STK32B: variants seen among roughly 807,000 people sequenced by gnomAD.
The protein encoded by STK32B is serine/threonine kinase 32B.
Under a neutral mutation model 52.6 loss-of-function variants are expected in STK32B, and 43 were observed. The observed-to-expected ratio is 0.82, with a 90% CI of 0.64 to 1.05. The LOEUF (loss-of-function observed/expected upper bound fraction) is 1.05, where lower values mean the gene tolerates loss of function less well. Ranked by LOEUF, STK32B falls within the 50% of genes least tolerant of loss-of-function variation. STK32B has a pLI of 0.00. For synonymous variants in STK32B, 238 were observed against 204.3 expected, an observed-to-expected ratio of 1.17 and a Z score of -1.41; for missense variants, 621 against 534.6, an observed-to-expected ratio of 1.16 and a Z score of -1.59.
At chr4:5,359,878 C>A (rs1734434034) in intron 4 of STK32B, among the ~76,000 whole-genome samples, 1 of 152,154 alleles carries the variant, frequency 6.6e-6, no homozygotes, top group South Asian at 2.1e-4. Flanking sequence ...GTAATAGGGA[C>A]TTATCAGCCT....
chr4:5,227,769 A>G (rs1036144522), intron 3 of STK32B, among the ~76,000 whole-genome samples: 3 of 152,206 alleles, frequency 2.0e-5, no homozygotes, highest in Admixed American at 1.3e-4. Flanking sequence ...ATTAAAAAGC[A>G]TACTCAAAGG....
At chr4:5,317,232 A>AACAT (rs1385452448) in intron 3 of STK32B, among the ~76,000 whole-genome samples, 1 of 61,686 alleles carries the variant, frequency 1.6e-5, no homozygotes, top group Non-Finnish European at 2.3e-5. Context: ...TATTATATAT[A>AACAT]ACATATATAT....
chr4:5,362,769 C>T (rs975641696), intron 4 of STK32B, among the ~76,000 whole-genome samples: 1 of 152,194 alleles, frequency 6.6e-6, no homozygotes, highest in African/African-American at 2.4e-5. Flanking sequence ...CCCCAATTTC[C>T]ACTCTCTAGT....
At chr4:5,245,076 T>A (rs201218570) in intron 3 of STK32B, among the ~76,000 whole-genome samples, 1 of 152,312 alleles carries the variant, frequency 6.6e-6, no homozygotes, top group African/African-American at 2.4e-5. Flanking sequence ...GTTCTGTAGA[T>A]GTCTATTAGG....
rs1277558651 is a variant in STK32B at position 5,394,085 on chromosome 4, G to C, written c.435-4122G>C. 1.3e-5 allele frequency among the ~76,000 whole-genome samples: 2 copies of C among 152,184 alleles called. No homozygotes were observed. The highest frequency in any genetic ancestry group is 4.8e-5 in the African/African-American group (2 of 41,442). ...AAAAGACACATGCAGAAACATCCTGGTGGCCCTGCTTTGCAGTCTGTGCAT... is the reference window on the plus strand; with the variant it reads ...AAAAGACACATGCAGAAACATCCTGCTGGCCCTGCTTTGCAGTCTGTGCAT... On this transcript the variant is annotated intron_variant, in intron 4 of 11. Coordinates refer to ENST00000282908, the MANE Select transcript of STK32B (RefSeq NM_018401.3). This position sits in a 1 kb window ranked among gnomAD's most constrained non-coding sequence, Gnocchi z 4.2.
chr4:5,055,450 C>T (rs1434703080), intron 1 of STK32B, among the ~76,000 whole-genome samples: 1 of 152,002 alleles, frequency 6.6e-6, no homozygotes, highest in Non-Finnish European at 1.5e-5. Flanking sequence ...ATGGTCTGTC[C>T]CTACCCCCGT....
intron 3 of STK32B, among the ~76,000 whole-genome samples, chr4:5,236,507 T>A (rs530618193): frequency 6.6e-6 from 1 of 152,360 alleles, no homozygotes; most frequent in East Asian, 1.9e-4. Flanking sequence ...CAAAAATTGC[T>A]ACTCTTGTGA....
intron 3 of STK32B, among the ~76,000 whole-genome samples, chr4:5,323,308 GCCAGGC>G (rs1731647243): frequency 1.3e-5 from 2 of 152,112 alleles, no homozygotes; most frequent in Non-Finnish European, 2.9e-5. Context: ...CCCTCCACCA[GCCAGGC>G]CCTGGCTGTT....
chr4:5,190,620 A>G (rs1193512354), intron 3 of STK32B, among the ~76,000 whole-genome samples: 3 of 152,220 alleles, frequency 2.0e-5, no homozygotes, highest in Admixed American at 6.5e-5. Context: ...CCGCTTTCTC[A>G]TTCTGGACAC....
At chr4:5,168,231 T>A in intron 2 of STK32B, 68 bp from the exon 3 acceptor site, 1 of 1,547,484 alleles carries the variant, frequency 6.5e-7, no homozygotes, top group Non-Finnish European at 8.8e-7. Context: ...CAGTGCGGGG[T>A]GACATTTCTC....
rs971616675 is a variant in STK32B at position 5,165,145 on chromosome 4, A to C, written c.109-3154A>C. Among the ~76,000 whole-genome samples the C allele has an allele frequency of 3.3e-5, 5 of 152,162 alleles. No homozygotes were observed. In the East Asian group the frequency reaches 9.7e-4, roughly 29 times the overall value. ...TTAGCCCTGAATTTACCGAGGAGGTAGTCAAGGCCCAGATGATGAATGGAT... is the reference window on the plus strand; with the variant it reads ...TTAGCCCTGAATTTACCGAGGAGGTCGTCAAGGCCCAGATGATGAATGGAT... On this transcript the variant is annotated intron_variant, in intron 2 of 11. Transcript: ENST00000282908.
At chr4:5,256,288 T>C (rs1726291079) in intron 3 of STK32B, among the ~76,000 whole-genome samples, 1 of 152,200 alleles carries the variant, frequency 6.6e-6, no homozygotes. Flanking sequence ...CATAGATGTG[T>C]GACATTTACT....
intron 11 of STK32B, among the ~76,000 whole-genome samples, chr4:5,473,799 C>G (rs1006533635): frequency 3.9e-5 from 6 of 152,134 alleles, no homozygotes; most frequent in African/African-American, 1.4e-4. Flanking sequence ...CTGACTAAGT[C>G]CGCAGCAGGG....
At chr4:5,300,594 C>A (rs1729490964) in intron 3 of STK32B, among the ~76,000 whole-genome samples, 1 of 152,096 alleles carries the variant, frequency 6.6e-6, no homozygotes, top group South Asian at 2.1e-4. Context: ...TTTCAGGATA[C>A]AAAATAAATG....
At chr4:5,161,228 C>T (rs1467472830) in intron 2 of STK32B, among the ~76,000 whole-genome samples, 1 of 152,172 alleles carries the variant, frequency 6.6e-6, no homozygotes, top group Non-Finnish European at 1.5e-5. Context: ...TTTGATCCCT[C>T]CAATGAGACC....
At chr4:5,143,133 A>G (rs13120021) in intron 2 of STK32B, among the ~76,000 whole-genome samples, 2,208 of 57,870 alleles carry the variant, frequency 0.038, 31 homozygotes, top group Non-Finnish European at 0.068. Flanking sequence ...CTGTCTGTCT[A>G]TCTGTCTGTC....
the STK32B span, among the ~76,000 whole-genome samples, chr4:5,035,296 A>G: frequency 6.6e-6 from 1 of 152,228 alleles, no homozygotes; most frequent in African/African-American, 2.4e-5. Flanking sequence ...CCTTATTCTC[A>G]CATATTATAA....
At chr4:5,048,243 C>A (rs570983696), upstream of STK32B, among the ~76,000 whole-genome samples, 10 of 152,108 alleles carry the variant, frequency 6.6e-5, no homozygotes, top group Non-Finnish European at 1.2e-4. Flanking sequence ...CATTCTCCTG[C>A]CTCAGCCTCC....
chr4:5,190,212 A>G (rs377570090), intron 3 of STK32B, among the ~76,000 whole-genome samples: 9 of 152,172 alleles, frequency 5.9e-5, no homozygotes, highest in African/African-American at 2.2e-4. Context: ...AAGTTTGTGA[A>G]GGGAAGGAAA....
Sources: allele counts gnomAD v4.1 joint callset (sites outside exome capture counted in the v4.1 genomes callset), GRCh38; gene constraint gnomAD v4.1.1; non-coding constraint Gnocchi (gnomAD v3.1); transcripts MANE v1.5; gene names NCBI Gene and HGNC (gene_info 2026-07-23, HGNC 2026-07-21).